The following CCDC169 variants were observed in gnomAD, a reference collection of about 807,000 sequenced individuals.
The protein encoded by CCDC169 is coiled-coil domain containing 169.
CCDC169 carries 30 observed loss-of-function variants against 36.0 expected under a neutral mutation model. The observed-to-expected ratio is 0.83, with a 90% CI of 0.62 to 1.13. The LOEUF is 1.13. CCDC169 is among the 50% of genes most tolerant of loss of function. The probability of loss-of-function intolerance (pLI) is 0.00; values close to 1 mark genes in which losing one functional copy is unlikely to be tolerated. For synonymous variants in CCDC169, 85 were observed against 81.5 expected, an observed-to-expected ratio of 1.04 and a Z score of -0.23; for missense variants, 245 against 245.9, an observed-to-expected ratio of 1.00 and a Z score of 0.03.
chr13:36,282,273 G>A (rs1275006454), intron 4 of CCDC169: 1 of 729,930 alleles, frequency 1.4e-6, no homozygotes, highest in Non-Finnish European at 1.7e-6. Context: ...TTAACAGGAA[G>A]CCAAAAATAT....
rs61950135 is a variant in CCDC169 at position 36,279,899 on chromosome 13, C to T, written c.315+3570G>A. Among the ~76,000 whole-genome samples the T allele has an allele frequency of 9.9e-3, 1,503 of 152,270 alleles. 24 individuals carry two copies. Among genetic ancestry groups the T allele is most frequent in the Admixed American group, 0.042 (642 of 15,284 alleles). On this transcript the variant is annotated intron_variant, in intron 4 of 7. Transcript: ENST00000239859. ...TTGCTAAGCCTAGAGGAACACTTTG[C>T]ACTGAAAGACACATATAAAGATATT...
At chr13:36,231,644 A>T (rs1175043063) in intron 7 of CCDC169, among the ~76,000 whole-genome samples, 1 of 152,168 alleles carries the variant, frequency 6.6e-6, no homozygotes, top group Non-Finnish European at 1.5e-5. Context: ...TTAATGACTT[A>T]TGTGGCACTA....
intron 7 of CCDC169, among the ~76,000 whole-genome samples, chr13:36,232,092 C>A (rs1870499167): frequency 6.6e-6 from 1 of 152,162 alleles, no homozygotes; most frequent in South Asian, 2.1e-4. Flanking sequence ...ACGGCTGAAA[C>A]TTCGAACACT....
intron 4 of CCDC169, among the ~76,000 whole-genome samples, chr13:36,260,709 A>G (rs77521247): frequency 0.014 from 2,127 of 152,278 alleles, 46 homozygotes; most frequent in East Asian, 0.11. Context: ...TGCCTATTCT[A>G]CCACTCTACT....
At chr13:36,232,084 G>A (rs981093132) in intron 7 of CCDC169, among the ~76,000 whole-genome samples, 1 of 152,118 alleles carries the variant, frequency 6.6e-6, no homozygotes, top group Non-Finnish European at 1.5e-5. Context: ...AGCAACAAAC[G>A]GCTGAAACTT....
intron 4 of CCDC169, among the ~76,000 whole-genome samples, chr13:36,261,344 T>C (rs1874579932): frequency 6.6e-6 from 1 of 152,008 alleles, no homozygotes; most frequent in African/African-American, 2.4e-5. Flanking sequence ...CATAAGCCCC[T>C]GTTACTGTGC....
intron 4 of CCDC169, among the ~76,000 whole-genome samples, chr13:36,279,003 GCAGTCTTA>G (rs1409611222): frequency 6.6e-6 from 1 of 151,980 alleles, no homozygotes; most frequent in African/African-American, 2.4e-5. Context: ...AAATTCTCTT[GCAGTCTTA>G]CCCAATATCT....
chr13:36,283,837 A>G, intron 2 of CCDC169, 135 bp from the exon 3 acceptor site: 1 of 683,056 alleles, frequency 1.5e-6, no homozygotes, highest in South Asian at 2.0e-5. Context: ...CTAGAAGGAA[A>G]TAGTTATTAA....
chr13:36,231,013 C>T lies in CCDC169; in HGVS notation c.*180G>A. On this transcript the variant is annotated 3_prime_UTR_variant, in exon 8 of 8. Transcript: ENST00000239859. Reference sequence around the variant, plus strand: ...ACTTCTATTACATAGTTTAGGGTCACTGGAGAAAATTACTTTTATGCAGAC... The same window carrying T: ...ACTTCTATTACATAGTTTAGGGTCATTGGAGAAAATTACTTTTATGCAGAC... 1 of 1,388,850 alleles carries T rather than the reference C, an allele frequency of 7.2e-7. No homozygotes were observed. The highest frequency in any genetic ancestry group is 9.3e-7 in the Non-Finnish European group (1 of 1,074,180). 86.0% of individuals were successfully genotyped at this position (1,388,850 alleles called of 1,614,324 possible).
intron 4 of CCDC169, among the ~76,000 whole-genome samples, chr13:36,258,062 A>G (rs1234496966): frequency 6.8e-6 from 1 of 147,088 alleles, no homozygotes; most frequent in Non-Finnish European, 1.5e-5. Flanking sequence ...TTTTTTTGCC[A>G]CTTGAAAGCC....
At chr13:36,271,807 G>A (rs1053054922) in intron 4 of CCDC169, among the ~76,000 whole-genome samples, 21 of 151,992 alleles carry the variant, frequency 1.4e-4, no homozygotes, top group African/African-American at 4.8e-4. Context: ...ATTAGTGGCC[G>A]GGCATGGTGG....
At chr13:36,274,662 C>T (rs1243156329) in intron 4 of CCDC169, 2 of 152,138 alleles carry the variant, frequency 1.3e-5, no homozygotes, top group African/African-American at 4.8e-5. Context: ...CTAATAACTT[C>T]TTAGCATTCC....
At chr13:36,269,648 C>CA (rs1312668768) in intron 4 of CCDC169, among the ~76,000 whole-genome samples, 7 of 151,720 alleles carry the variant, frequency 4.6e-5, no homozygotes, top group Middle Eastern at 3.4e-3. Flanking sequence ...TGATATATCA[C>CA]AAAAAACAGA....
intron 7 of CCDC169, among the ~76,000 whole-genome samples, chr13:36,243,264 C>T (rs1006731823): frequency 1.3e-5 from 2 of 152,146 alleles, no homozygotes; most frequent in African/African-American, 2.4e-5. Context: ...CTTTGGGAGG[C>T]CAAGGCGGGA....
rs2138613718 is a variant in CCDC169, at chr13:36,283,819, C to T, written c.164-117G>A. On this transcript the variant is annotated intron_variant, in intron 2 of 7. Coordinates refer to ENST00000239859, the MANE Select transcript of CCDC169 (RefSeq NM_001144981.3). ...ACTATATTTGACTTTATTGGCAATA[C>T]AGATCAACTAGAAGGAAATAGTTAT... 5 of 749,446 alleles carry T rather than the reference C, an allele frequency of 6.7e-6. No homozygotes were observed. The South Asian group carries it at 9.3e-5, about 14-fold the overall frequency. 46.4% of individuals were successfully genotyped at this position (749,446 alleles called of 1,614,324 possible).
chr13:36,231,139 A>G lies in CCDC169; in HGVS notation c.*54T>C. The G allele has an allele frequency of 2.6e-6, 4 of 1,514,014 alleles. No individual in the cohort carries two copies. The highest frequency in any genetic ancestry group is 3.5e-6 in the Non-Finnish European group (4 of 1,131,482). 93.8% of individuals were successfully genotyped at this position (1,514,014 alleles called of 1,614,324 possible). A position where few individuals can be genotyped will look rare whatever the true frequency, so the allele number is the denominator to read the frequency against. On this transcript the variant is annotated 3_prime_UTR_variant, in exon 8 of 8. Coordinates refer to ENST00000239859, the MANE Select transcript of CCDC169 (RefSeq NM_001144981.3). Reference sequence around the variant, plus strand: ...TGCTGACCATTAACTTTATAACTTGAATATTATAAATGGAAAAAAAAAGGA... The same window carrying G: ...TGCTGACCATTAACTTTATAACTTGGATATTATAAATGGAAAAAAAAAGGA...
At chr13:36,256,571 A>G (rs1594034613) in intron 4 of CCDC169, among the ~76,000 whole-genome samples, 1 of 152,170 alleles carries the variant, frequency 6.6e-6, no homozygotes, top group African/African-American at 2.4e-5. Flanking sequence ...TCAAGATGAC[A>G]TTTGGGTGGG....
intron 4 of CCDC169, chr13:36,282,268 AG>A (rs1378132097): frequency 1.5e-6 from 1 of 677,352 alleles, no homozygotes; most frequent in Non-Finnish European, 1.8e-6. Flanking sequence ...TCAATTTAAC[AG>A]GAAGCCAAAA....
intron 4 of CCDC169, among the ~76,000 whole-genome samples, chr13:36,276,886 C>A (rs1364594801): frequency 6.6e-6 from 1 of 152,032 alleles, no homozygotes; most frequent in Non-Finnish European, 1.5e-5. Context: ...TGTAATAGAG[C>A]CTATTGTGAG....
Sources: gnomAD v4.1 joint callset for allele counts (sites outside exome capture counted in the v4.1 genomes callset) on GRCh38, gnomAD v4.1.1 for gene constraint, MANE v1.5 for transcripts, NCBI Gene and HGNC (gene_info 2026-07-23, HGNC 2026-07-21) for gene names.